The following KIF26B variants were observed in gnomAD, a reference collection of about 807,000 sequenced individuals.
KIF26B encodes the protein kinesin family member 26B.
Under a neutral mutation model 151.2 loss-of-function variants are expected in KIF26B, and 63 were observed. That is an observed-to-expected ratio of 0.42 (90% confidence interval 0.34 to 0.51). The LOEUF (loss-of-function observed/expected upper bound fraction) is 0.51, where lower values mean the gene tolerates loss of function less well. Among genes scored for constraint, KIF26B ranks in the 20% least tolerant of loss-of-function variants. KIF26B has a pLI of 0.07. For missense variants in KIF26B, 2,813 were observed against 2,913.6 expected (o/e 0.97, Z 0.79); for synonymous variants, 1,357 against 1,262.1 (o/e 1.08, Z -1.59).
chr1:245,169,362 TGC>T (rs1553330318), intron 2 of KIF26B, among the ~76,000 whole-genome samples: 3 of 151,092 alleles, frequency 2.0e-5, no homozygotes, highest in Non-Finnish European at 4.4e-5. Flanking sequence ...TGTGTGTGTG[TGC>T]GCGCAAGCAC....
chr1:245,435,670 G>C (rs1016618255), intron 4 of KIF26B, among the ~76,000 whole-genome samples: 1 of 152,172 alleles, frequency 6.6e-6, no homozygotes, highest in Non-Finnish European at 1.5e-5. Context: ...CCCGGAGTAA[G>C]CTCATCCATG....
At chr1:245,186,939 T>G (rs1669010692) in intron 2 of KIF26B, among the ~76,000 whole-genome samples, 1 of 152,020 alleles carries the variant, frequency 6.6e-6, no homozygotes, top group African/African-American at 2.4e-5. Context: ...TCACTGCAAC[T>G]TCCACCTCCT....
intron 2 of KIF26B, among the ~76,000 whole-genome samples, chr1:245,199,259 G>A (rs982516318): frequency 6.6e-6 from 1 of 151,902 alleles, no homozygotes; most frequent in African/African-American, 2.4e-5. Context: ...GGGTGCCCTC[G>A]TACCAACAGA....
In KIF26B at chr1:245,684,285, C is replaced by A; in HGVS notation, c.2311C>A (p.Arg771Ser). 6.2e-7 allele frequency: 1 copy of A among 1,613,946 alleles called. No homozygotes were observed. The highest frequency in any genetic ancestry group is 8.5e-7 in the Non-Finnish European group (1 of 1,179,870). ...GGAGTCTCTGGGGAACATGAACTGC[C>A]GTACCACCATGATCGCGCACATCTC... is the stretch of plus-strand genomic sequence containing the variant. ...LRESLGNMNC[R>S]TTMIAHISAA... Residue 771 changes from arginine (R) to serine (S), a missense_variant, in exon 11 of 15, where the codon CGT becomes AGT. Coordinates refer to ENST00000407071, the MANE Select transcript of KIF26B (RefSeq NM_018012.4).
intron 4 of KIF26B, among the ~76,000 whole-genome samples, chr1:245,442,016 A>T (rs1390240070): frequency 6.6e-6 from 1 of 152,262 alleles, no homozygotes; most frequent in Non-Finnish European, 1.5e-5. Flanking sequence ...TCGTATCAAA[A>T]TGCAGACTGA....
intron 4 of KIF26B, among the ~76,000 whole-genome samples, chr1:245,480,840 C>T (rs2103068855): frequency 6.6e-6 from 1 of 150,408 alleles, no homozygotes. Context: ...CCCTTAGAAT[C>T]ATTAAATATT....
intron 4 of KIF26B, among the ~76,000 whole-genome samples, chr1:245,485,212 G>A (rs1037181673): frequency 6.6e-6 from 1 of 152,020 alleles, no homozygotes; most frequent in Admixed American, 6.6e-5. Flanking sequence ...ATGTGGGGAG[G>A]GAGAATGGGT....
intron 4 of KIF26B, among the ~76,000 whole-genome samples, chr1:245,513,261 A>G (rs1256689524): frequency 1.4e-5 from 2 of 139,182 alleles, no homozygotes; most frequent in Non-Finnish European, 3.1e-5. Flanking sequence ...TTCGTGGAGG[A>G]CCGAGAGTGC....
chr1:245,387,803 C>T (rs1275882739), intron 3 of KIF26B, among the ~76,000 whole-genome samples: 1 of 152,188 alleles, frequency 6.6e-6, no homozygotes, highest in Non-Finnish European at 1.5e-5. Context: ...TGTAGCTGGA[C>T]ATCTATGTAG....
intron 9 of KIF26B, among the ~76,000 whole-genome samples, chr1:245,641,519 T>C (rs1382800293): frequency 6.9e-6 from 1 of 145,940 alleles, no homozygotes; most frequent in East Asian, 1.9e-4. Flanking sequence ...TGTTCATTCC[T>C]TCTTATTCTT....
intron 3 of KIF26B, among the ~76,000 whole-genome samples, chr1:245,378,307 C>G (rs1234272521): frequency 8.5e-6 from 1 of 117,986 alleles, no homozygotes; most frequent in East Asian, 2.6e-4. Flanking sequence ...ATCCCTCCCC[C>G]TTTTTGATGT....
intron 2 of KIF26B, among the ~76,000 whole-genome samples, chr1:245,331,852 C>T (rs1420187386): frequency 1.3e-5 from 2 of 151,938 alleles, no homozygotes; most frequent in Non-Finnish European, 2.9e-5. Flanking sequence ...GGAGGCCAGG[C>T]GTGGTGGCTC....
At position 245,297,258 on chromosome 1, in the gene KIF26B, G is replaced by A. The variant is rs141843222; in HGVS notation, c.466-69576G>A. On this transcript the variant is annotated intron_variant, in intron 2 of 14. Coordinates refer to ENST00000407071, the MANE Select transcript of KIF26B (RefSeq NM_018012.4). ...CTTGGGAGGCTGAGGCAGGAGAATCGCTCAAACTCAGGAGGTAGAGGTTGC... is the reference window on the plus strand; with the variant it reads ...CTTGGGAGGCTGAGGCAGGAGAATCACTCAAACTCAGGAGGTAGAGGTTGC... 3.2e-3 allele frequency among the ~76,000 whole-genome samples: 480 copies of A among 152,236 alleles called. 1 individual carries two copies. Among genetic ancestry groups the A allele is most frequent in the African/African-American group, 0.011 (450 of 41,544 alleles).
intron 2 of KIF26B, among the ~76,000 whole-genome samples, chr1:245,229,485 C>T (rs1187570819): frequency 6.6e-6 from 1 of 152,172 alleles, no homozygotes; most frequent in Non-Finnish European, 1.5e-5. Flanking sequence ...AACTTTGACA[C>T]ATTCGCAGGT....
At chr1:245,251,461 G>A (rs534901702) in intron 2 of KIF26B, among the ~76,000 whole-genome samples, 57 of 151,886 alleles carry the variant, frequency 3.8e-4, no homozygotes, top group Non-Finnish European at 7.4e-4. Context: ...CTTTTTCAAC[G>A]CTTTATAATT....
chr1:245,425,730 T>C (rs549802382), intron 4 of KIF26B, among the ~76,000 whole-genome samples: 1 of 152,298 alleles, frequency 6.6e-6, no homozygotes, highest in African/African-American at 2.4e-5. Flanking sequence ...TGGAGAAAAT[T>C]AGCTTCTGTA....
At chr1:245,180,752 C>A (rs1427404278) in intron 2 of KIF26B, among the ~76,000 whole-genome samples, 3 of 152,142 alleles carry the variant, frequency 2.0e-5, no homozygotes, top group Non-Finnish European at 4.4e-5. Context: ...GAGAAGGAAG[C>A]CGAGCTACAG....
At chr1:245,514,018 C>A (rs1416472) in intron 4 of KIF26B, among the ~76,000 whole-genome samples, 1 of 151,956 alleles carries the variant, frequency 6.6e-6, no homozygotes, top group Non-Finnish European at 1.5e-5. Context: ...GGAGACACTG[C>A]GGGGGAGAAA....
chr1:245,441,823 C>T (rs1162110493), intron 4 of KIF26B, among the ~76,000 whole-genome samples: 2 of 152,180 alleles, frequency 1.3e-5, no homozygotes, highest in Non-Finnish European at 2.9e-5. Context: ...CAGTAAAGTC[C>T]GTCAAGGGCC....
Sources: gnomAD v4.1 joint callset for allele counts (sites outside exome capture counted in the v4.1 genomes callset) on GRCh38, gnomAD v4.1.1 for gene constraint, MANE v1.5 for transcripts, NCBI Gene and HGNC (gene_info 2026-07-23, HGNC 2026-07-21) for gene names.